Variants in CACUL1 observed in about 807,000 individuals in gnomAD.
CACUL1 encodes the protein CDK2 associated cullin domain 1, also known as CDK2-associated and cullin domain-containing protein 1.
In CACUL1, 13 loss-of-function variants were observed where a neutral mutation model predicts 45.2. The ratio of observed to expected loss-of-function variants is 0.29; its 90% CI spans 0.19 to 0.46. The LOEUF (loss-of-function observed/expected upper bound fraction) is 0.46, where lower values mean the gene tolerates loss of function less well. CACUL1 is among the 20% of genes least tolerant of loss of function. The pLI, the probability that CACUL1 is intolerant of heterozygous loss-of-function variation, is 1.00. For missense variants in CACUL1, 421 were observed against 471.4 expected, an observed-to-expected ratio of 0.89 and a Z score of 0.99; for synonymous variants, 197 against 174.2, an observed-to-expected ratio of 1.13 and a Z score of -1.03.
chr10:118,742,497 T>C (rs903629790), intron 1 of CACUL1, among the ~76,000 whole-genome samples: 1 of 152,202 alleles, frequency 6.6e-6, no homozygotes, highest in Non-Finnish European at 1.5e-5. Context: ...TTTTATATGA[T>C]GCAGGTCAAA....
At chr10:118,727,517 T>C (rs1008411398) in intron 3 of CACUL1, among the ~76,000 whole-genome samples, 6 of 152,080 alleles carry the variant, frequency 3.9e-5, no homozygotes, top group African/African-American at 1.4e-4. Context: ...GGTTTCATAA[T>C]AGGCTGTATT....
chr10:118,686,656 A>T lies in CACUL1; in HGVS notation c.1026-15T>A, dbSNP rs1431011828. On this transcript the variant is annotated splice_polypyrimidine_tract_variant and intron_variant, in intron 7 of 8. Coordinates refer to ENST00000369151, the MANE Select transcript of CACUL1 (RefSeq NM_153810.5). ...ACTGGTCACCCCTGGGGATAAGAAG[A>T]GGCAGTCAACAAAACTGACTTCACA... 2 of 1,608,612 alleles carry T rather than the reference A, an allele frequency of 1.2e-6. No homozygotes were observed. Among genetic ancestry groups the T allele is most frequent in the Non-Finnish European group, 1.7e-6 (2 of 1,175,060 alleles).
chr10:118,691,318 A>G lies in CACUL1; in HGVS notation c.972T>C (p.Tyr324=), dbSNP rs1554894098. The G allele has an allele frequency of 1.2e-6, 2 of 1,613,446 alleles. No homozygotes were observed. Among genetic ancestry groups the G allele is most frequent in the South Asian group, 2.2e-5 (2 of 91,078 alleles). Residue 324 remains tyrosine, a synonymous_variant, in exon 7 of 9, where the codon TAT becomes TAC. Coordinates refer to ENST00000369151, the MANE Select transcript of CACUL1 (RefSeq NM_153810.5). The stretch of plus-strand genomic sequence containing the variant: ...TTTGAAATTTCTGATCTTGAGCAGC[A>G]TATTCAGAAAGTTCAGATTCCACCG... ...PPAVESELSE[Y]AAQDQKFQRE... is the part of the protein sequence containing the mutation.
intron 3 of CACUL1, among the ~76,000 whole-genome samples, chr10:118,714,631 C>T (rs538073765): frequency 7.2e-5 from 11 of 151,978 alleles, no homozygotes; most frequent in African/African-American, 2.2e-4. Flanking sequence ...GTGAAAATAC[C>T]GTTCTATGCA....
In CACUL1 at chr10:118,685,763, A is replaced by C. The variant is rs141989475; in HGVS notation, c.*365T>G. 87 of 173,812 alleles carry C rather than the reference A, an allele frequency of 5.0e-4. 1 individual carries two copies. The East Asian group carries it at 0.011, about 22-fold the overall frequency. The allele number at this position is 173,812 out of a possible 1,614,324, so 10.8% of individuals were successfully genotyped here. A position where few individuals can be genotyped will look rare whatever the true frequency, so the allele number is the denominator to read the frequency against. On this transcript the variant is annotated 3_prime_UTR_variant, in exon 9 of 9. Coordinates refer to ENST00000369151, the MANE Select transcript of CACUL1 (RefSeq NM_153810.5). ...AAATGCCAAGTCCACAAATGAACAA[A>C]ACAAGTGCTTAAAAAAAAAATTCTT...
intron 3 of CACUL1, among the ~76,000 whole-genome samples, chr10:118,718,764 G>C (rs549781281): frequency 6.6e-6 from 1 of 151,686 alleles, no homozygotes; most frequent in Non-Finnish European, 1.5e-5. Flanking sequence ...TAGTAGAGAC[G>C]GGTTTTCACC....
intron 1 of CACUL1, among the ~76,000 whole-genome samples, chr10:118,747,373 G>T (rs901710789): frequency 6.6e-6 from 1 of 152,166 alleles, no homozygotes; most frequent in Admixed American, 6.5e-5. Flanking sequence ...AAAGTTAAAC[G>T]TATCAGTAAT....
chr10:118,694,556 G>A (rs193224705), intron 6 of CACUL1, among the ~76,000 whole-genome samples: 40 of 152,216 alleles, frequency 2.6e-4, no homozygotes, highest in Admixed American at 9.8e-4. Flanking sequence ...TTGAGGTTCC[G>A]GCTTATAGAA....
rs1845169441 is a variant in CACUL1 at position 118,683,087 on chromosome 10, A to G, written c.*3041T>C. ...ACAGGTGTGACAACAAAAGGTCACAAAATGACAATGTTACTGAAGCTTAAG... is the reference window on the plus strand; with the variant it reads ...ACAGGTGTGACAACAAAAGGTCACAGAATGACAATGTTACTGAAGCTTAAG... On this transcript the variant is annotated 3_prime_UTR_variant, in exon 9 of 9. Coordinates refer to ENST00000369151, the MANE Select transcript of CACUL1 (RefSeq NM_153810.5). 1 of 152,250 alleles carries G rather than the reference A, an allele frequency of 6.6e-6. No homozygotes were observed. Among genetic ancestry groups the G allele is most frequent in the Non-Finnish European group, 1.5e-5 (1 of 68,044 alleles). 9.4% of individuals were successfully genotyped at this position (152,250 alleles called of 1,614,324 possible). A position where few individuals can be genotyped will look rare whatever the true frequency, so the allele number is the denominator to read the frequency against.
At chr10:118,742,970 A>C (rs1845806119) in intron 1 of CACUL1, among the ~76,000 whole-genome samples, 1 of 152,210 alleles carries the variant, frequency 6.6e-6, no homozygotes, top group Non-Finnish European at 1.5e-5. Flanking sequence ...TGCACTTACT[A>C]AAGATTCTTT....
rs1199090371 is a variant in CACUL1 at position 118,700,283 on chromosome 10, A to G, written c.796+1023T>C. Among the ~76,000 whole-genome samples, 5 of 152,234 alleles carry G rather than the reference A, an allele frequency of 3.3e-5. No individual in the cohort carries two copies. The East Asian group carries it at 9.6e-4, about 29-fold the overall frequency. On this transcript the variant is annotated intron_variant, in intron 5 of 8. Transcript: ENST00000369151. ...AAAAAATGACTTGATGTGTCACATAAGATAGGAGCTTTAAAAGGACGCTGA... is the reference window on the plus strand; with the variant it reads ...AAAAAATGACTTGATGTGTCACATAGGATAGGAGCTTTAAAAGGACGCTGA...
At chr10:118,738,623 A>G (rs1175811819) in intron 1 of CACUL1, among the ~76,000 whole-genome samples, 3 of 151,902 alleles carry the variant, frequency 2.0e-5, no homozygotes. Context: ...TCAACCTAAC[A>G]TGAAGCCCAA....
rs1845104437 is a variant in CACUL1 at position 118,676,963 on chromosome 10, C to G, written c.*9165G>C. 6.6e-6 allele frequency: 1 copy of G among 152,054 alleles called. No homozygotes were observed. The highest frequency in any genetic ancestry group is 6.6e-5 in the Admixed American group (1 of 15,258). 9.4% of individuals were successfully genotyped at this position (152,054 alleles called of 1,614,324 possible). On this transcript the variant is annotated 3_prime_UTR_variant, in exon 9 of 9. Coordinates refer to ENST00000369151, the MANE Select transcript of CACUL1 (RefSeq NM_153810.5). ...GCTTGTATTCTTAGAAAAAACTTCT[C>G]CAATCCCAAGAAAAAATACTACTTT...
At chr10:118,699,843 T>C (rs535399497) in intron 5 of CACUL1, among the ~76,000 whole-genome samples, 2 of 151,358 alleles carry the variant, frequency 1.3e-5, no homozygotes, top group Non-Finnish European at 2.9e-5. Context: ...AGAGACGGGG[T>C]TTCACCGTGT....
chr10:118,721,430 A>C (rs1845599009), intron 3 of CACUL1, among the ~76,000 whole-genome samples: 1 of 152,172 alleles, frequency 6.6e-6, no homozygotes, highest in Admixed American at 6.5e-5. Context: ...CTTAAAACCA[A>C]GATACAGTTA....
At chr10:118,716,273 C>G (rs1304642134) in intron 3 of CACUL1, among the ~76,000 whole-genome samples, 1 of 149,938 alleles carries the variant, frequency 6.7e-6, no homozygotes, top group East Asian at 1.9e-4. Context: ...TAACCACTAC[C>G]AACATTCGTA....
intron 4 of CACUL1, among the ~76,000 whole-genome samples, chr10:118,706,033 T>C (rs1845429483): frequency 1.3e-5 from 2 of 152,230 alleles, no homozygotes; most frequent in African/African-American, 4.8e-5. Flanking sequence ...TTATTCTTAA[T>C]TGACACAGAC....
intron 2 of CACUL1, among the ~76,000 whole-genome samples, 169 bp downstream of exon 2, chr10:118,730,115 A>T (rs769727292): frequency 1.1e-4 from 16 of 152,180 alleles, no homozygotes; most frequent in Admixed American, 2.6e-4. Flanking sequence ...ACCACTTTTG[A>T]ATCAAAAAGT....
At chr10:118,694,987 G>C (rs1486618056) in intron 6 of CACUL1, 154 bp downstream of exon 6, 1 of 545,150 alleles carries the variant, frequency 1.8e-6, no homozygotes, top group Non-Finnish European at 3.4e-6. Flanking sequence ...TGAGCTCTGA[G>C]TTTACATTTC....
Sources: allele counts gnomAD v4.1 joint callset (sites outside exome capture counted in the v4.1 genomes callset), GRCh38; gene constraint gnomAD v4.1.1; transcripts MANE v1.5; gene names NCBI Gene and HGNC (gene_info 2026-07-23, HGNC 2026-07-21).